CA10: variants seen among roughly 807,000 people sequenced by gnomAD.
CA10 encodes the protein carbonic anhydrase-related protein 10.
Under a neutral mutation model 44.2 loss-of-function variants are expected in CA10, and 14 were observed. The ratio of observed to expected loss-of-function variants is 0.32; its 90% confidence interval spans 0.21 to 0.50. The LOEUF is 0.50. CA10 is among the 20% of genes least tolerant of loss of function. The pLI, the probability that CA10 is intolerant of heterozygous loss-of-function variation, is 0.99. For missense variants in CA10, 350 were observed against 409.7 expected (o/e 0.85, Z 1.26); for synonymous variants, 159 against 141.6 (o/e 1.12, Z -0.87).
chr17:52,036,432 T>C (rs1423037470), intron 2 of CA10, among the ~76,000 whole-genome samples: 2 of 152,154 alleles, frequency 1.3e-5, no homozygotes, highest in Non-Finnish European at 2.9e-5. Flanking sequence ...TGATACAGTA[T>C]GTAAGACTCC....
chr17:51,761,202 G>A (rs576919730), intron 3 of CA10: 10 of 152,152 alleles, frequency 6.6e-5, no homozygotes, highest in African/African-American at 1.9e-4. Context: ...ACTTATATTT[G>A]TTTCCTACCC....
intron 3 of CA10, among the ~76,000 whole-genome samples, chr17:51,881,147 G>A (rs1399752255): frequency 1.3e-5 from 2 of 148,210 alleles, no homozygotes; most frequent in African/African-American, 5.0e-5. Context: ...GGCTGAGGCA[G>A]AAGAATGGCG....
At chr17:51,906,400 C>G (rs918006123) in intron 3 of CA10, among the ~76,000 whole-genome samples, 3 of 151,976 alleles carry the variant, frequency 2.0e-5, no homozygotes, top group Non-Finnish European at 4.4e-5. Flanking sequence ...TTTATGGCAC[C>G]ACACTTTCTG....
intron 3 of CA10, among the ~76,000 whole-genome samples, chr17:51,905,526 CTTTTTTTTTTTTTT>C (rs34606778): frequency 1.0e-5 from 1 of 99,856 alleles, no homozygotes; most frequent in African/African-American, 5.0e-5. Context: ...CCTATCAGTC[CTTTTTTTTTTTTTT>C]TTTTTTTTTT....
At chr17:51,823,586 G>A (rs1316055088) in intron 3 of CA10, among the ~76,000 whole-genome samples, 3 of 152,218 alleles carry the variant, frequency 2.0e-5, no homozygotes, top group Non-Finnish European at 4.4e-5. Flanking sequence ...GAACTTTTCT[G>A]ATTACTCCAT....
chr17:52,074,010 A>T (rs1159805644), intron 1 of CA10, among the ~76,000 whole-genome samples: 1 of 152,192 alleles, frequency 6.6e-6, no homozygotes, highest in African/African-American at 2.4e-5. Context: ...ACATTTCTCT[A>T]GAGTTCAGAA....
chr17:52,140,401 C>T (rs563970287), intron 1 of CA10, among the ~76,000 whole-genome samples: 3 of 152,176 alleles, frequency 2.0e-5, no homozygotes, highest in South Asian at 2.1e-4. Context: ...ATGTAGCCAT[C>T]GAAAATAGAT....
chr17:51,931,158 T>C, intron 2 of CA10, 26 bp from the exon 3 acceptor site: 3 of 1,610,972 alleles, frequency 1.9e-6, no homozygotes, highest in Non-Finnish European at 2.5e-6. Context: ...AATTATAGAA[T>C]TAGGCTGAGT....
chr17:52,094,739 C>A (rs113952274), intron 1 of CA10, among the ~76,000 whole-genome samples: 3 of 152,104 alleles, frequency 2.0e-5, no homozygotes, highest in African/African-American at 7.2e-5. Context: ...CTCAACACTA[C>A]TCAAATTTAA....
chr17:51,687,451 A>G (rs1238999399), intron 4 of CA10, among the ~76,000 whole-genome samples: 1 of 152,252 alleles, frequency 6.6e-6, no homozygotes, highest in Non-Finnish European at 1.5e-5. Flanking sequence ...TGCCTAATAT[A>G]GAGCCTGGCA....
intron 3 of CA10, among the ~76,000 whole-genome samples, chr17:51,810,590 T>C (rs1449135957): frequency 6.6e-6 from 1 of 152,072 alleles, no homozygotes; most frequent in Non-Finnish European, 1.5e-5. Flanking sequence ...TGCCTAAAGA[T>C]GCAGCTCAAG....
intron 1 of CA10, among the ~76,000 whole-genome samples, chr17:52,099,199 A>G (rs1988478695): frequency 6.6e-6 from 1 of 152,172 alleles, no homozygotes; most frequent in African/African-American, 2.4e-5. Context: ...TGGTACTAGA[A>G]TTTGAAGCAG....
chr17:51,887,661 A>G (rs543309853), intron 3 of CA10, among the ~76,000 whole-genome samples: 1 of 152,140 alleles, frequency 6.6e-6, no homozygotes, highest in African/African-American at 2.4e-5. Context: ...TGAAGATAAA[A>G]TAAAATAAAA....
chr17:52,082,241 A>G (rs1029716312), intron 1 of CA10, among the ~76,000 whole-genome samples: 5 of 152,182 alleles, frequency 3.3e-5, no homozygotes, highest in African/African-American at 1.2e-4. Context: ...CACTCTGATG[A>G]CTACCCTCTA....
At chr17:52,110,305 C>T (rs929912252) in intron 1 of CA10, among the ~76,000 whole-genome samples, 12 of 152,198 alleles carry the variant, frequency 7.9e-5, no homozygotes, top group African/African-American at 2.9e-4. Flanking sequence ...CCTTACTTAA[C>T]TCAGACAGCA....
chr17:52,103,951 T>C (rs991064966), intron 1 of CA10, among the ~76,000 whole-genome samples: 4 of 152,206 alleles, frequency 2.6e-5, no homozygotes, highest in Non-Finnish European at 4.4e-5. Flanking sequence ...CTGATCTAGG[T>C]TCAAACCCCA....
At chr17:51,879,284 C>A (rs1366712245) in intron 3 of CA10, among the ~76,000 whole-genome samples, 1 of 152,112 alleles carries the variant, frequency 6.6e-6, no homozygotes, top group African/African-American at 2.4e-5. Context: ...TTAGGATAAA[C>A]TACCAGAATT....
chr17:52,019,539 T>A (rs1382167099), intron 2 of CA10, among the ~76,000 whole-genome samples: 2 of 152,100 alleles, frequency 1.3e-5, no homozygotes, highest in Non-Finnish European at 2.9e-5. Context: ...CATGAAACAA[T>A]CCAAGCATAC....
chr17:52,121,016 A>T, intron 1 of CA10, among the ~76,000 whole-genome samples: 1 of 152,194 alleles, frequency 6.6e-6, no homozygotes, highest in Non-Finnish European at 1.5e-5. Context: ...AATGATGACT[A>T]CATATTAACC....
Sources: allele counts gnomAD v4.1 joint callset (sites outside exome capture counted in the v4.1 genomes callset), GRCh38; gene constraint gnomAD v4.1.1; transcripts MANE v1.5; gene names NCBI Gene and HGNC (gene_info 2026-07-23, HGNC 2026-07-21).